Variants in PIEZO2 observed in about 807,000 individuals in gnomAD.
The protein encoded by PIEZO2 is piezo type mechanosensitive ion channel component 2, also known as piezo-type mechanosensitive ion channel component 2.
Under a neutral mutation model 337.3 loss-of-function variants are expected in PIEZO2, and 172 were observed. That is an observed-to-expected ratio of 0.51 (90% confidence interval 0.45 to 0.58). The LOEUF (loss-of-function observed/expected upper bound fraction) is 0.58, where lower values mean the gene tolerates loss of function less well. Among genes scored for constraint, PIEZO2 ranks in the 20% least tolerant of loss-of-function variants. The probability of loss-of-function intolerance (pLI) is 0.00; values close to 1 mark genes in which losing one functional copy is unlikely to be tolerated. For missense variants in PIEZO2, 3,028 were observed against 3,391.3 expected (o/e 0.89, Z 2.66); for synonymous variants, 1,251 against 1,228.5 (o/e 1.02, Z -0.38).
chr18:10,728,915 A>C (rs1159041477), intron 36 of PIEZO2, among the ~76,000 whole-genome samples: 1 of 147,348 alleles, frequency 6.8e-6, no homozygotes, highest in Non-Finnish European at 1.5e-5. Flanking sequence ...AGATGGCGCC[A>C]CTGCACTCCA....
chr18:11,017,910 T>A (rs1249499252), intron 2 of PIEZO2, among the ~76,000 whole-genome samples: 1 of 152,176 alleles, frequency 6.6e-6, no homozygotes, highest in African/African-American at 2.4e-5. Context: ...GGAGGACAGC[T>A]TGAGCTCAGA....
At chr18:11,093,687 G>A (rs9950733) in intron 1 of PIEZO2, among the ~76,000 whole-genome samples, 1 of 149,540 alleles carries the variant, frequency 6.7e-6, no homozygotes, top group Admixed American at 6.7e-5. Context: ...CCCGGGTTCA[G>A]GCCATTCTCC....
chr18:11,106,418 C>CTTTTTT (rs539595699), intron 1 of PIEZO2, among the ~76,000 whole-genome samples: 38 of 129,600 alleles, frequency 2.9e-4, no homozygotes, highest in African/African-American at 7.9e-4. Flanking sequence ...TTTCCTCTCT[C>CTTTTTT]TTTTTTTTTT....
At chr18:11,060,982 A>G (rs1025025756) in intron 2 of PIEZO2, among the ~76,000 whole-genome samples, 1 of 152,252 alleles carries the variant, frequency 6.6e-6, no homozygotes, top group African/African-American at 2.4e-5. Context: ...AATATCCCTG[A>G]TGAATATCGA....
At chr18:10,790,829 T>C (rs1466399111) in intron 14 of PIEZO2, among the ~76,000 whole-genome samples, 1 of 151,834 alleles carries the variant, frequency 6.6e-6, no homozygotes, top group African/African-American at 2.4e-5. Context: ...CTCAGCCTCC[T>C]GAGTAGCTGG....
chr18:11,025,822 T>G (rs1033898762), intron 2 of PIEZO2, among the ~76,000 whole-genome samples: 3 of 152,166 alleles, frequency 2.0e-5, no homozygotes, highest in Non-Finnish European at 4.4e-5. Context: ...GGGAAGAACT[T>G]GCTTGCCCTG....
intron 3 of PIEZO2, among the ~76,000 whole-genome samples, chr18:10,923,233 A>G (rs1158980516): frequency 1.3e-5 from 2 of 152,200 alleles, no homozygotes; most frequent in Non-Finnish European, 2.9e-5. Context: ...TCTGGTTTAT[A>G]TGAAATTCTA....
chr18:10,885,513 G>T (rs981952840), intron 4 of PIEZO2, among the ~76,000 whole-genome samples: 1 of 152,166 alleles, frequency 6.6e-6, no homozygotes, highest in Non-Finnish European at 1.5e-5. Context: ...GAAGTATGTG[G>T]TGGGGTTTGA....
rs1180562855 is a variant in PIEZO2 at position 10,863,229 on chromosome 18, CAGA to C, written c.493-6021_493-6019del. Among the ~76,000 whole-genome samples, 3 of 152,138 alleles carry C rather than the reference CAGA, an allele frequency of 2.0e-5. No homozygotes were observed. The highest frequency in any genetic ancestry group is 7.2e-5 in the African/African-American group (3 of 41,432). ...GAAAAGACAAGGTTGTGACTCACTG[CAGA>C]AGATGAATTTCATCCCCAGGGTTCC... is the stretch of plus-strand genomic sequence containing the variant. On this transcript the variant is annotated intron_variant, in intron 5 of 55. Transcript: ENST00000674853. This position sits in a 1 kb window ranked among gnomAD's most constrained non-coding sequence, Gnocchi z 4.3.
Position 10,918,187 on chromosome 18 carries a change from A to G in PIEZO2, c.287-6959T>C, listed in dbSNP as rs528527382. Among the ~76,000 whole-genome samples, 5 of 152,314 alleles carry G rather than the reference A, an allele frequency of 3.3e-5. No individual in the cohort carries two copies. In the South Asian group the frequency reaches 1.0e-3, roughly 32 times the overall value. ...CCTTTTGGGTTAAATGGTGAGATCTATAAAATTTTCCAAGTCCTATTTCCC... is the reference window on the plus strand; with the variant it reads ...CCTTTTGGGTTAAATGGTGAGATCTGTAAAATTTTCCAAGTCCTATTTCCC... On this transcript the variant is annotated intron_variant, in intron 3 of 55. Coordinates refer to ENST00000674853, the MANE Select transcript of PIEZO2 (RefSeq NM_001378183.1).
intron 7 of PIEZO2, among the ~76,000 whole-genome samples, chr18:10,827,468 C>A (rs750824915): frequency 2.0e-5 from 3 of 152,108 alleles, no homozygotes; most frequent in Admixed American, 6.6e-5. Context: ...TCAAAATCAA[C>A]CCAATTTTCT....
At chr18:11,067,397 A>G (rs1206153474) in intron 1 of PIEZO2, among the ~76,000 whole-genome samples, 1 of 152,324 alleles carries the variant, frequency 6.6e-6, no homozygotes, top group African/African-American at 2.4e-5. Context: ...AGAAAAAAAA[A>G]ATTATCTTGA....
At chr18:10,959,066 A>G (rs564590600) in intron 3 of PIEZO2, among the ~76,000 whole-genome samples, 1 of 152,166 alleles carries the variant, frequency 6.6e-6, no homozygotes, top group Non-Finnish European at 1.5e-5. Context: ...CATTAAATAT[A>G]TGTCATCAGC....
At chr18:10,832,669 G>A (rs898213633) in intron 7 of PIEZO2, among the ~76,000 whole-genome samples, 2 of 152,116 alleles carry the variant, frequency 1.3e-5, no homozygotes, top group African/African-American at 2.4e-5. Flanking sequence ...AGAACTACCC[G>A]GGAATGTACC....
At chr18:10,977,707 C>T (rs148881239) in intron 3 of PIEZO2, among the ~76,000 whole-genome samples, 3 of 152,090 alleles carry the variant, frequency 2.0e-5, no homozygotes, top group African/African-American at 7.2e-5. Flanking sequence ...ATTAAAATCG[C>T]ATTTTAACAA....
At position 10,784,614 on chromosome 18, in the gene PIEZO2, T is replaced by C. The variant is rs531772437; in HGVS notation, c.2492+170A>G. Among the ~76,000 whole-genome samples, 83 of 152,286 alleles carry C rather than the reference T, an allele frequency of 5.5e-4. 1 individual carries two copies. Among genetic ancestry groups the C allele is most frequent in the Middle Eastern group, 3.4e-3 (1 of 292 alleles). On this transcript the variant is annotated intron_variant, in intron 17 of 55. Transcript: ENST00000674853. This position sits in a 1 kb window ranked among gnomAD's most constrained non-coding sequence, Gnocchi z 4.5. ...TCACTACCCATTGTTTCAGAACGTG[T>C]CACAGAATCTTCCACATGTTTTCCT...
At chr18:10,786,989 A>G (rs1426384968) in intron 16 of PIEZO2, 47 bp downstream of exon 16, 2 of 1,480,042 alleles carry the variant, frequency 1.4e-6, no homozygotes, top group Non-Finnish European at 9.1e-7. Context: ...AACAATATGC[A>G]TTCAAGTCTT....
chr18:11,055,383 T>C (rs1246121175), intron 2 of PIEZO2, among the ~76,000 whole-genome samples: 4 of 152,010 alleles, frequency 2.6e-5, no homozygotes, highest in Non-Finnish European at 4.4e-5. Context: ...AAGGTATAAA[T>C]ACCAAGAAAA....
chr18:10,897,322 T>C (rs113647270), intron 4 of PIEZO2, among the ~76,000 whole-genome samples: 10,634 of 152,010 alleles, frequency 0.07, 378 homozygotes, highest in African/African-American at 0.078. Context: ...GAGTAGCTGG[T>C]ATTACAGGTG....
Sources: gnomAD v4.1 joint callset for allele counts (sites outside exome capture counted in the v4.1 genomes callset) on GRCh38, gnomAD v4.1.1 for gene constraint, Gnocchi (gnomAD v3.1) non-coding constraint, MANE v1.5 for transcripts, NCBI Gene and HGNC (gene_info 2026-07-23, HGNC 2026-07-21) for gene names.